ENKUR: variants seen among roughly 807,000 people sequenced by gnomAD.
The protein encoded by ENKUR is enkurin, TRPC channel interacting protein.
ENKUR carries 19 observed loss-of-function variants against 27.6 expected under a neutral mutation model. The observed-to-expected ratio is 0.69, with a 90% CI of 0.48 to 1.01. The LOEUF is 1.01. ENKUR is among the 50% of genes least tolerant of loss of function. The probability of loss-of-function intolerance (pLI) is 0.00; values close to 1 mark genes in which losing one functional copy is unlikely to be tolerated. For synonymous variants in ENKUR, 117 were observed against 96.9 expected, an observed-to-expected ratio of 1.21 and a Z score of -1.22; for missense variants, 312 against 310.5, an observed-to-expected ratio of 1.00 and a Z score of -0.04.
intron 2 of ENKUR, among the ~76,000 whole-genome samples, chr10:25,048,976 G>C (rs1588684631): frequency 6.6e-6 from 1 of 152,130 alleles, no homozygotes; most frequent in East Asian, 1.9e-4. Flanking sequence ...GGCATTCAGT[G>C]CCTTCTAGGA....
Position 25,016,094 on chromosome 10 carries a change from T to C in ENKUR, c.-158A>G. 1.5e-6 allele frequency: 2 copies of C among 1,325,208 alleles called. No individual in the cohort carries two copies. Among genetic ancestry groups the C allele is most frequent in the South Asian group, 2.2e-5 (1 of 44,462 alleles). The allele number at this position is 1,325,208 out of a possible 1,614,324, so 82.1% of individuals were successfully genotyped here. ...ACATCGTCCCCCTTTAACCCCCTCT[T>C]AGCAGTCCTCTCTCGGGAAGAAAAC... On this transcript the variant is annotated 5_prime_UTR_variant, in exon 1 of 6. Transcript: ENST00000331161.
chr10:25,035,963 A>C (rs1218713954), intron 2 of ENKUR, among the ~76,000 whole-genome samples: 1 of 152,238 alleles, frequency 6.6e-6, no homozygotes, highest in Non-Finnish European at 1.5e-5. Context: ...TACAAAACAA[A>C]AAAGTTATAG....
At chr10:25,028,335 T>G (rs2132771850) in intron 2 of ENKUR, among the ~76,000 whole-genome samples, 1 of 152,224 alleles carries the variant, frequency 6.6e-6, no homozygotes, top group East Asian at 1.9e-4. Context: ...CACCTCAGGC[T>G]TCCCATCATC....
rs1564352066 is a variant in ENKUR at position 25,027,356 on chromosome 10, T to TAAAAAAAAAAAAAAAAAAAA, written c.38-31488_38-31487insTTTTTTTTTTTTTTTTTTTT. On this transcript the variant is annotated intron_variant, in intron 2 of 5. Transcript: ENST00000615958. ...TGGGTGACAGAGCAAGACTCCCGTC[T>TAAAAAAAAAAAAAAAAAAAA]CAAAAAAAAAAAAAAAAAAAAAAAA... Among the ~76,000 whole-genome samples the TAAAAAAAAAAAAAAAAAAAA allele has an allele frequency of 1.8e-3, 81 of 45,726 alleles. 20 individuals carry two copies. The highest frequency in any genetic ancestry group is 2.9e-3 in the Admixed American group (10 of 3,478). The allele number at this position is 45,726 out of a possible 152,430, so 30.0% of individuals were successfully genotyped here.
intron 2 of ENKUR, among the ~76,000 whole-genome samples, chr10:25,044,214 G>T (rs1487398517): frequency 3.3e-5 from 5 of 152,234 alleles, no homozygotes; most frequent in African/African-American, 1.2e-4. Flanking sequence ...AGAATGTTAA[G>T]TTCCATTCTA....
At chr10:25,033,242 A>C (rs1850957139) in intron 2 of ENKUR, among the ~76,000 whole-genome samples, 1 of 151,894 alleles carries the variant, frequency 6.6e-6, no homozygotes. Context: ...CCTCTCTACA[A>C]AAATTTAAAA....
chr10:25,016,183 AG>A, upstream of ENKUR: 6 of 1,180,502 alleles, frequency 5.1e-6, no homozygotes, highest in Non-Finnish European at 6.3e-6. Flanking sequence ...AACCGTTACT[AG>A]GCAACGAGGA....
At chr10:24,984,527 G>T in intron 5 of ENKUR, 151 bp from the exon 6 acceptor site, 1 of 1,159,448 alleles carries the variant, frequency 8.6e-7, no homozygotes, top group Non-Finnish European at 1.2e-6. Context: ...TAGTTTATAT[G>T]TGGAAAACGT....
At chr10:25,009,247 G>C (rs1389379069) in intron 1 of ENKUR, among the ~76,000 whole-genome samples, 2 of 149,744 alleles carry the variant, frequency 1.3e-5, no homozygotes, top group East Asian at 3.9e-4. Flanking sequence ...CTAAACCTTA[G>C]AGTATAATAA....
intron 2 of ENKUR, among the ~76,000 whole-genome samples, chr10:25,032,317 G>T (rs181398686): frequency 7.3e-5 from 11 of 150,016 alleles, no homozygotes; most frequent in Admixed American, 4.6e-4. Flanking sequence ...GTAAAGAAGG[G>T]GGGGGGGCTA....
At chr10:24,990,677 A>T in intron 3 of ENKUR, 68 bp from the exon 4 acceptor site, 1 of 1,416,838 alleles carries the variant, frequency 7.1e-7, no homozygotes, top group Non-Finnish European at 9.6e-7. Flanking sequence ...GTACGTATCA[A>T]CTGATGATGG....
chr10:25,025,203 G>C (rs1678624519), intron 2 of ENKUR: 1 of 1,614,054 alleles, frequency 6.2e-7, no homozygotes, highest in East Asian at 2.2e-5. Flanking sequence ...CTTGCCCTGT[G>C]ATTATCTCAT....
chr10:24,989,365 C>T (rs1475623333), intron 4 of ENKUR, among the ~76,000 whole-genome samples: 1 of 152,206 alleles, frequency 6.6e-6, no homozygotes, highest in East Asian at 1.9e-4. Context: ...CTGCTGTCAG[C>T]AAAGAGACAC....
chr10:25,046,104 A>C (rs1472131402), intron 2 of ENKUR, among the ~76,000 whole-genome samples: 1 of 152,190 alleles, frequency 6.6e-6, no homozygotes, highest in Non-Finnish European at 1.5e-5. Flanking sequence ...AAACTGCAAG[A>C]GGATATATAG....
chr10:25,003,747 T>G (rs1003385314), intron 1 of ENKUR, among the ~76,000 whole-genome samples: 3 of 151,922 alleles, frequency 2.0e-5, no homozygotes, highest in African/African-American at 7.3e-5. Flanking sequence ...ATTACGGGGG[T>G]TTGTTGTACA....
chr10:25,040,550 T>C (rs1851052039), intron 2 of ENKUR, among the ~76,000 whole-genome samples: 1 of 114,896 alleles, frequency 8.7e-6, no homozygotes. Context: ...TTTTTTGTAT[T>C]ATCAGTAGAA....
chr10:25,041,469 A>T lies in ENKUR; in HGVS notation c.37+19643T>A, dbSNP rs181590914. Among the ~76,000 whole-genome samples the T allele has an allele frequency of 4.4e-3, 674 of 152,116 alleles. 6 individuals carry two copies. Among genetic ancestry groups the T allele is most frequent in the Non-Finnish European group, 7.4e-3 (503 of 67,998 alleles). On this transcript the variant is annotated intron_variant, in intron 2 of 5. Transcript: ENST00000615958. ...GAAAGCTTTTGGCCAATATGTCTTC[A>T]AATATTTTTTGTGTCTCAATCTCTT...
chr10:25,023,467 T>A, intron 2 of ENKUR: 1 of 1,614,136 alleles, frequency 6.2e-7, no homozygotes. Context: ...ACTAGGTTGT[T>A]GTGTCATAGA....
At chr10:24,996,830 A>C (rs1439754833) in intron 2 of ENKUR, among the ~76,000 whole-genome samples, 2 of 152,170 alleles carry the variant, frequency 1.3e-5, no homozygotes, top group Non-Finnish European at 2.9e-5. Context: ...CCTAGAATTC[A>C]TATGTTGAAG....
Sources: gnomAD v4.1 joint callset for allele counts (sites outside exome capture counted in the v4.1 genomes callset) on GRCh38, gnomAD v4.1.1 for gene constraint, MANE v1.5 for transcripts, NCBI Gene and HGNC (gene_info 2026-07-23, HGNC 2026-07-21) for gene names.